CRAMP1: variants seen among roughly 807,000 people sequenced by gnomAD.
CRAMP1 encodes the protein protein cramped-like.
CRAMP1 carries 50 observed loss-of-function variants against 115.4 expected under a neutral mutation model. The ratio of observed to expected loss-of-function variants is 0.43; its 90% CI spans 0.35 to 0.55. The LOEUF (loss-of-function observed/expected upper bound fraction) is 0.55, where lower values mean the gene tolerates loss of function less well. CRAMP1 is among the 20% of genes least tolerant of loss of function. The pLI is 0.01. For synonymous variants in CRAMP1, 866 were observed against 745.4 expected, an observed-to-expected ratio of 1.16 and a Z score of -2.64; for missense variants, 1,679 against 1,721.7, an observed-to-expected ratio of 0.98 and a Z score of 0.44.
At chr16:1,662,711 C>G in intron 12 of CRAMP1, 40 bp downstream of exon 12, 1 of 1,613,716 alleles carries the variant, frequency 6.2e-7, no homozygotes, top group Non-Finnish European at 8.5e-7. Context: ...GCGAGCGTCC[C>G]CGTGGTCTGG....
chr16:1,617,990 A>C (rs2036434754), intron 2 of CRAMP1, among the ~76,000 whole-genome samples: 1 of 152,188 alleles, frequency 6.6e-6, no homozygotes, highest in Admixed American at 6.5e-5. Flanking sequence ...GAAATCCCAA[A>C]ACAGACATTC....
At position 1,672,606 on chromosome 16, in the gene CRAMP1, AATTTC is replaced by A. The variant is rs1050349973; in HGVS notation, c.3646-1270_3646-1266del. On this transcript the variant is annotated intron_variant, in intron 20 of 20. Transcript: ENST00000397412. This position sits in a 1 kb window ranked among gnomAD's most constrained non-coding sequence, Gnocchi z 4.9. ...GACATTTCCCATAATCAAAGCATAA[AATTTC>A]ATTTACGCCATAGCTCTATTCAGAA... is the stretch of plus-strand genomic sequence containing the variant. Among the ~76,000 whole-genome samples the A allele has an allele frequency of 6.6e-6, 1 of 152,166 alleles. No individual in the cohort carries two copies. Among genetic ancestry groups the A allele is most frequent in the African/African-American group, 2.4e-5 (1 of 41,424 alleles).
Position 1,669,101 on chromosome 16 carries a change from T to G in CRAMP1, c.3435T>G (p.Ser1145=). 1 of 1,611,032 alleles carries G rather than the reference T, an allele frequency of 6.2e-7. No homozygotes were observed. The highest frequency in any genetic ancestry group is 1.1e-5 in the South Asian group (1 of 90,380). ...SSSPQPHWIA[S]PTHDPQWYPS... is the part of the protein sequence containing the mutation. Reference sequence around the variant, plus strand: ...GCCCCCAGCCACACTGGATCGCCTCTCCCACCCACGACCCCCAGTGGTACC... The same window carrying G: ...GCCCCCAGCCACACTGGATCGCCTCGCCCACCCACGACCCCCAGTGGTACC... Residue 1145 remains serine (S), a synonymous_variant, in exon 19 of 21, where the codon TCT becomes TCG. Transcript: ENST00000397412. The surrounding 1 kb of genome is among the most constrained non-coding windows in gnomAD (Gnocchi z 4.6).
intron 2 of CRAMP1, among the ~76,000 whole-genome samples, chr16:1,619,534 C>A (rs547402601): frequency 6.6e-6 from 1 of 152,298 alleles, no homozygotes; most frequent in East Asian, 1.9e-4. Context: ...AAAAAGGAGA[C>A]ATTTCCAGGA....
At chr16:1,647,208 AAAATT>A (rs760298591) in intron 6 of CRAMP1, among the ~76,000 whole-genome samples, 8 of 152,242 alleles carry the variant, frequency 5.3e-5, no homozygotes, top group East Asian at 1.9e-4. Flanking sequence ...TTAGAATTGT[AAAATT>A]AAATTAAAGA....
At chr16:1,629,204 A>G (rs2036529561) in intron 3 of CRAMP1, among the ~76,000 whole-genome samples, 1 of 152,150 alleles carries the variant, frequency 6.6e-6, no homozygotes, top group Non-Finnish European at 1.5e-5. Flanking sequence ...CTCTCTGCAT[A>G]ATGGCTGCGG....
rs536741207 is a variant in CRAMP1, at chr16:1,668,598, G to C, written c.3335-403G>C. The stretch of plus-strand genomic sequence containing the variant: ...TGGGACAAAGCTCCTGGGGGCAGTG[G>C]TTTGTTGTTCACTGGCGCGACCCAG... On this transcript the variant is annotated intron_variant, in intron 18 of 20. Coordinates refer to ENST00000397412, the MANE Select transcript of CRAMP1 (RefSeq NM_020825.4). 2.0e-5 allele frequency among the ~76,000 whole-genome samples: 3 copies of C among 152,372 alleles called. 1 individual carries two copies. Among genetic ancestry groups the C allele is most frequent in the East Asian group, 3.9e-4 (2 of 5,186 alleles).
chr16:1,640,051 C>T (rs1471188054), intron 5 of CRAMP1, among the ~76,000 whole-genome samples: 1 of 152,204 alleles, frequency 6.6e-6, no homozygotes, highest in Non-Finnish European at 1.5e-5. Context: ...CCGGTTTCCG[C>T]AACCGGTTCC....
intron 20 of CRAMP1, among the ~76,000 whole-genome samples, chr16:1,673,217 C>T (rs1197004885): frequency 1.3e-5 from 2 of 150,960 alleles, no homozygotes; most frequent in Non-Finnish European, 3.0e-5. Context: ...GTGTCCCCCA[C>T]CTGTCCTCAT....
intron 17 of CRAMP1, among the ~76,000 whole-genome samples, chr16:1,667,636 T>C (rs554023864): frequency 6.8e-6 from 1 of 146,000 alleles, no homozygotes; most frequent in East Asian, 2.5e-4. Flanking sequence ...GACCCAGCTC[T>C]GGAAGAACTT....
chr16:1,661,343 G>A (rs199711514), intron 11 of CRAMP1, among the ~76,000 whole-genome samples: 54 of 149,118 alleles, frequency 3.6e-4, no homozygotes, highest in East Asian at 1.4e-3. Context: ...CCTGGGTGAC[G>A]GAGGGGGCCG....
chr16:1,651,946 A>C (rs2036727741), intron 6 of CRAMP1, among the ~76,000 whole-genome samples: 2 of 151,350 alleles, frequency 1.3e-5, no homozygotes, highest in Non-Finnish European at 2.9e-5. Context: ...GGTCACGTAG[A>C]AGTGGATTGA....
At chr16:1,660,440 A>G (rs1406612938) in intron 11 of CRAMP1, among the ~76,000 whole-genome samples, 1 of 152,224 alleles carries the variant, frequency 6.6e-6, no homozygotes, top group Non-Finnish European at 1.5e-5. Context: ...AAACCTCAGA[A>G]TAGAGAATCC....
At chr16:1,625,839 C>T in intron 2 of CRAMP1, 134 bp from the exon 3 acceptor site, 2 of 861,040 alleles carry the variant, frequency 2.3e-6, no homozygotes, top group Non-Finnish European at 3.5e-6. Flanking sequence ...CTGGGTGCTG[C>T]CTGCCAGCAT....
chr16:1,652,422 C>T (rs2036732096), intron 6 of CRAMP1, 74 bp from the exon 7 acceptor site: 1 of 1,373,888 alleles, frequency 7.3e-7, no homozygotes, highest in Non-Finnish European at 1.0e-6. Flanking sequence ...GGCTCAGCGC[C>T]TCTCCGTGTG....
intron 4 of CRAMP1, among the ~76,000 whole-genome samples, chr16:1,633,252 C>T (rs1244478261): frequency 1.3e-5 from 2 of 152,234 alleles, no homozygotes; most frequent in African/African-American, 4.8e-5. Flanking sequence ...GGTGCATCAG[C>T]TTTGCCCGGA....
At chr16:1,620,072 C>T (rs1363163903) in intron 2 of CRAMP1, among the ~76,000 whole-genome samples, 2 of 152,168 alleles carry the variant, frequency 1.3e-5, no homozygotes, top group African/African-American at 2.4e-5. Flanking sequence ...ACCTTGCCTG[C>T]GGCTTGGCTT....
At chr16:1,661,683 C>A (rs1396131525) in intron 11 of CRAMP1, among the ~76,000 whole-genome samples, 1 of 151,496 alleles carries the variant, frequency 6.6e-6, no homozygotes, top group Non-Finnish European at 1.5e-5. Flanking sequence ...GCAACCCCCA[C>A]CTCCTGGGTT....
chr16:1,620,746 G>T (rs1002919086), intron 2 of CRAMP1: 5 of 452,740 alleles, frequency 1.1e-5, no homozygotes, highest in Non-Finnish European at 2.2e-5. Context: ...TTTGAGGTTG[G>T]TTTCCCCCAC....
Sources: gnomAD v4.1 joint callset for allele counts (sites outside exome capture counted in the v4.1 genomes callset) on GRCh38, gnomAD v4.1.1 for gene constraint, Gnocchi (gnomAD v3.1) non-coding constraint, MANE v1.5 for transcripts, NCBI Gene and HGNC (gene_info 2026-07-23, HGNC 2026-07-21) for gene names.